PCYT1A: variants seen among roughly 807,000 people sequenced by gnomAD.
The protein encoded by PCYT1A is phosphate cytidylyltransferase 1A, choline.
Under a neutral mutation model 43.7 loss-of-function variants are expected in PCYT1A, and 25 were observed. The ratio of observed to expected loss-of-function variants is 0.57; its 90% CI spans 0.42 to 0.80. The LOEUF (loss-of-function observed/expected upper bound fraction) is 0.80, where lower values mean the gene tolerates loss of function less well. PCYT1A is among the 30% of genes least tolerant of loss of function. PCYT1A has a pLI of 0.00. For synonymous variants in PCYT1A, 172 were observed against 170.7 expected, an observed-to-expected ratio of 1.01 and a Z score of -0.06; for missense variants, 421 against 474.2, an observed-to-expected ratio of 0.89 and a Z score of 1.04.
chr3:196,242,831 A>G lies in PCYT1A; in HGVS notation c.487-191T>C. 1.6e-6 allele frequency: 1 copy of G among 606,780 alleles called. No individual in the cohort carries two copies. 37.6% of individuals were successfully genotyped at this position (606,780 alleles called of 1,614,324 possible). The stretch of plus-strand genomic sequence containing the variant: ...CCCAACCTAATGATTTATGGAGTAT[A>G]CATATGAAGTTAGCCAGCTGCTTTT... On this transcript the variant is annotated intron_variant, in intron 5 of 8. Coordinates refer to ENST00000431016, the MANE Select transcript of PCYT1A (RefSeq NM_001312673.2). This position sits in a 1 kb window ranked among gnomAD's most constrained non-coding sequence, Gnocchi z 4.2.
At chr3:196,250,489 G>A (rs1724720170) in intron 3 of PCYT1A, 1 of 160,878 alleles carries the variant, frequency 6.2e-6, no homozygotes, top group African/African-American at 2.5e-5. Context: ...TGCTGAGGCT[G>A]AGGACCAGAT....
rs967218199 is a variant in PCYT1A, at chr3:196,236,126, C to G, written c.*2562G>C. 2 of 152,236 alleles carry G rather than the reference C, an allele frequency of 1.3e-5. No individual in the cohort carries two copies. Among genetic ancestry groups the G allele is most frequent in the Non-Finnish European group, 2.9e-5 (2 of 68,060 alleles). The allele number at this position is 152,236 out of a possible 1,614,324, so 9.4% of individuals were successfully genotyped here. A position where few individuals can be genotyped will look rare whatever the true frequency, so the allele number is the denominator to read the frequency against. ...GGTCCCGTTCCAAGCACAGGGCATG[C>G]CAAGAGCAGCCCACTGAGAGCAGAG... On this transcript the variant is annotated 3_prime_UTR_variant, in exon 9 of 9. Coordinates refer to ENST00000431016, the MANE Select transcript of PCYT1A (RefSeq NM_001312673.2).
chr3:196,267,968 C>G (rs1204413263), intron 2 of PCYT1A, among the ~76,000 whole-genome samples: 1 of 152,144 alleles, frequency 6.6e-6, no homozygotes, highest in African/African-American at 2.4e-5. Context: ...CTAAGGTGGG[C>G]CAGGCTGTTG....
chr3:196,255,517 G>T (rs1276334501), intron 3 of PCYT1A, among the ~76,000 whole-genome samples: 1 of 152,176 alleles, frequency 6.6e-6, no homozygotes, highest in Non-Finnish European at 1.5e-5. Context: ...GTCAGGACTT[G>T]TTAATTATAA....
intron 3 of PCYT1A, among the ~76,000 whole-genome samples, chr3:196,249,801 A>T (rs2108767389): frequency 6.6e-6 from 1 of 152,278 alleles, no homozygotes. Context: ...CACCATGCCG[A>T]GGCTGAGGAC....
At chr3:196,269,226 T>C (rs1355278864) in intron 2 of PCYT1A, among the ~76,000 whole-genome samples, 1 of 152,250 alleles carries the variant, frequency 6.6e-6, no homozygotes, top group Non-Finnish European at 1.5e-5. Flanking sequence ...GCCCTTATGA[T>C]CAATATCAGC....
intron 2 of PCYT1A, among the ~76,000 whole-genome samples, chr3:196,260,852 C>T (rs4396926): frequency 0.27 from 40,351 of 151,962 alleles, 6,620 homozygotes; most frequent in East Asian, 0.82. Context: ...AAAAACAAAA[C>T]AAAACAAAAA....
Position 196,248,238 on chromosome 3 carries a change from G to A in PCYT1A, c.303C>T (p.Asn101=). 1 of 1,611,544 alleles carries A rather than the reference G, an allele frequency of 6.2e-7. No individual in the cohort carries two copies. The highest frequency in any genetic ancestry group is 8.5e-7 in the Non-Finnish European group (1 of 1,177,608). The change falls in exon 4 of 9, where the codon AAC becomes AAT. Residue 101 remains asparagine, a synonymous_variant. Coordinates refer to ENST00000431016, the MANE Select transcript of PCYT1A (RefSeq NM_001312673.2). ...GHARALMQAK[N]LFPNTYLIVG... is the part of the protein sequence containing the mutation. Reference sequence around the variant, plus strand: ...CAATGAGGTACGTATTAGGGAAAAGGTTCTTCGCTTGCATCAGAGCTCGGG... The same window carrying A: ...CAATGAGGTACGTATTAGGGAAAAGATTCTTCGCTTGCATCAGAGCTCGGG...
At chr3:196,250,234 G>C (rs922653757) in intron 3 of PCYT1A, among the ~76,000 whole-genome samples, 1 of 148,932 alleles carries the variant, frequency 6.7e-6, no homozygotes, top group Admixed American at 6.7e-5. Flanking sequence ...CCGAGGCTGA[G>C]GACCAGGTAC....
intron 4 of PCYT1A, 104 bp downstream of exon 4, chr3:196,248,103 T>C: frequency 1.4e-6 from 1 of 733,388 alleles, no homozygotes; most frequent in Non-Finnish European, 2.5e-6. Context: ...ACTACATCCT[T>C]CATTTAAAAA....
intron 3 of PCYT1A, among the ~76,000 whole-genome samples, chr3:196,256,941 GCA>G (rs1724967199): frequency 6.6e-6 from 1 of 152,186 alleles, no homozygotes; most frequent in Non-Finnish European, 1.5e-5. Context: ...TGCTGCAAAT[GCA>G]CAGATTTGTG....
At chr3:196,239,000 G>T in intron 8 of PCYT1A, 106 bp from the exon 9 acceptor site, 1 of 570,788 alleles carries the variant, frequency 1.8e-6, no homozygotes, top group African/African-American at 1.9e-5. Flanking sequence ...TTATTTAAGG[G>T]TTCTCCCCTG....
intron 3 of PCYT1A, among the ~76,000 whole-genome samples, chr3:196,254,717 A>G (rs1457631394): frequency 6.6e-6 from 1 of 152,140 alleles, no homozygotes; most frequent in East Asian, 1.9e-4. Context: ...GATAAATTAT[A>G]TGGTTTATGT....
chr3:196,247,012 G>A lies in PCYT1A; in HGVS notation c.486+355C>T, dbSNP rs554439230. On this transcript the variant is annotated intron_variant, in intron 5 of 8. Coordinates refer to ENST00000431016, the MANE Select transcript of PCYT1A (RefSeq NM_001312673.2). This position sits in a 1 kb window ranked among gnomAD's most constrained non-coding sequence, Gnocchi z 4.8. ...TTCAGTTCCCAGCCCTGCCAGTGGT[G>A]TAACTTGTGGCGAGTTCAGTTCCCA... Among the ~76,000 whole-genome samples, 53 of 152,014 alleles carry A rather than the reference G, an allele frequency of 3.5e-4. No homozygotes were observed. The highest frequency in any genetic ancestry group is 1.1e-3 in the African/African-American group (44 of 41,456).
At chr3:196,280,570 G>GTTTTTTTTTTTTTTTTT in intron 1 of PCYT1A, among the ~76,000 whole-genome samples, 59 of 91,314 alleles carry the variant, frequency 6.5e-4, no homozygotes, top group African/African-American at 7.1e-4. Context: ...TATTTTTATT[G>GTTTTTTTTTTTTTTTTT]TTTTTTTTTT....
chr3:196,240,615 C>G (rs1041933235), intron 7 of PCYT1A: 1 of 152,156 alleles, frequency 6.6e-6, no homozygotes, highest in Non-Finnish European at 1.5e-5. Flanking sequence ...GCACTTGAGC[C>G]CGGAGGTCAA....
rs192628035 is a variant in PCYT1A at position 196,268,401 on chromosome 3, T to C, written c.117+2014A>G. On this transcript the variant is annotated intron_variant, in intron 2 of 8. Transcript: ENST00000431016. This position sits in a 1 kb window ranked among gnomAD's most constrained non-coding sequence, Gnocchi z 4.4. ...TGATTGCTGAGTCACTTTCTGAGCT[T>C]ATTTGCTGTAGTATGCAGAATAATG... Among the ~76,000 whole-genome samples the C allele has an allele frequency of 6.6e-6, 1 of 152,320 alleles. No individual in the cohort carries two copies. The highest frequency in any genetic ancestry group is 1.5e-5 in the Non-Finnish European group (1 of 68,036).
intron 1 of PCYT1A, among the ~76,000 whole-genome samples, chr3:196,271,034 A>AT (rs1194152810): frequency 6.6e-6 from 1 of 151,832 alleles, no homozygotes; most frequent in Non-Finnish European, 1.5e-5. Flanking sequence ...CTTAACTCTA[A>AT]TTTTTTTTAA....
intron 5 of PCYT1A, among the ~76,000 whole-genome samples, chr3:196,244,917 C>A (rs1724511389): frequency 2.0e-5 from 3 of 152,070 alleles, no homozygotes; most frequent in Admixed American, 1.3e-4. Flanking sequence ...GTCATCACCA[C>A]TCCCTAATCT....
Sources: gnomAD v4.1 joint callset for allele counts (sites outside exome capture counted in the v4.1 genomes callset) on GRCh38, gnomAD v4.1.1 for gene constraint, Gnocchi (gnomAD v3.1) non-coding constraint, MANE v1.5 for transcripts, NCBI Gene and HGNC (gene_info 2026-07-23, HGNC 2026-07-21) for gene names.